The following CA10 variants were observed in gnomAD, a reference collection of about 807,000 sequenced individuals.
CA10 encodes the protein carbonic anhydrase-related protein 10.
A neutral mutation model predicts 44.2 loss-of-function variants in CA10; 14 were observed. The observed-to-expected ratio is 0.32, with a 90% CI of 0.21 to 0.50. The LOEUF is 0.50. Among genes scored for constraint, CA10 ranks in the 20% least tolerant of loss-of-function variants. CA10 has a pLI of 0.99. For missense variants in CA10, 350 were observed against 409.7 expected, an observed-to-expected ratio of 0.85 and a Z score of 1.26; for synonymous variants, 159 against 141.6, an observed-to-expected ratio of 1.12 and a Z score of -0.87.
chr17:52,113,209 T>C (rs138631094), intron 1 of CA10, among the ~76,000 whole-genome samples: 404 of 152,314 alleles, frequency 2.7e-3, no homozygotes, highest in Non-Finnish European at 3.9e-3. Flanking sequence ...ATGCTCAAGA[T>C]GAACAGAGGG....
intron 8 of CA10, among the ~76,000 whole-genome samples, chr17:51,632,268 C>T (rs1274345368): frequency 6.6e-6 from 1 of 152,172 alleles, no homozygotes; most frequent in East Asian, 1.9e-4. Flanking sequence ...TTATCTGTCA[C>T]CCATCACCCA....
At chr17:52,014,167 T>G (rs923888564) in intron 2 of CA10, among the ~76,000 whole-genome samples, 9 of 151,968 alleles carry the variant, frequency 5.9e-5, no homozygotes, top group African/African-American at 2.2e-4. Context: ...TATGAATTTA[T>G]GAATGAAAAA....
chr17:52,130,247 G>T (rs1348162264), intron 1 of CA10, among the ~76,000 whole-genome samples: 1 of 152,102 alleles, frequency 6.6e-6, no homozygotes, highest in African/African-American at 2.4e-5. Flanking sequence ...AAGTATGGTG[G>T]TTCCTCAAAA....
intron 3 of CA10, among the ~76,000 whole-genome samples, chr17:51,831,667 A>ACAGCAGCAGCAGCAGCAGCAGC (rs1413563405): frequency 2.6e-4 from 33 of 127,492 alleles, no homozygotes; most frequent in Non-Finnish European, 4.4e-4. Context: ...AGAAAAGAAA[A>ACAGCAGCAGCAGCAGCAGCAGC]AGCAGCAGCA....
At chr17:52,046,317 A>G (rs1397734102) in intron 2 of CA10, among the ~76,000 whole-genome samples, 1 of 151,412 alleles carries the variant, frequency 6.6e-6, no homozygotes. Flanking sequence ...GTAAAAAAAA[A>G]AAGAATTTAA....
intron 4 of CA10, among the ~76,000 whole-genome samples, chr17:51,689,495 T>C (rs1226507963): frequency 6.6e-6 from 1 of 152,214 alleles, no homozygotes; most frequent in Non-Finnish European, 1.5e-5. Context: ...AGAAAGTGAA[T>C]GATCCGTGTG....
At chr17:51,951,771 C>A (rs775799931) in intron 2 of CA10, among the ~76,000 whole-genome samples, 1 of 152,148 alleles carries the variant, frequency 6.6e-6, no homozygotes, top group African/African-American at 2.4e-5. Context: ...TGCTACCATA[C>A]TGAACAAAAT....
chr17:52,022,729 C>A (rs919590811), intron 2 of CA10, among the ~76,000 whole-genome samples: 1 of 152,006 alleles, frequency 6.6e-6, no homozygotes, highest in African/African-American at 2.4e-5. Context: ...CATTTAAAGG[C>A]TCCTAAAACT....
Position 51,754,368 on chromosome 17 carries a change from G to A in CA10, c.280-6550C>T, listed in dbSNP as rs187828206. 1.1e-3 allele frequency among the ~76,000 whole-genome samples: 131 copies of A among 121,596 alleles called. 1 individual carries two copies. The highest frequency in any genetic ancestry group is 1.9e-3 in the East Asian group (8 of 4,158). The allele number at this position is 121,596 out of a possible 152,430, so 79.8% of individuals were successfully genotyped here. ...GGTAAAATAAAGAGACAACACATGC[G>A]CACACACACATACATACTACTGTGT... is the stretch of plus-strand genomic sequence containing the variant. On this transcript the variant is annotated intron_variant, in intron 3 of 8. Coordinates refer to ENST00000451037, the MANE Select transcript of CA10 (RefSeq NM_020178.5).
At chr17:51,837,169 T>C (rs1908517150) in intron 3 of CA10, among the ~76,000 whole-genome samples, 1 of 152,108 alleles carries the variant, frequency 6.6e-6, no homozygotes, top group African/African-American at 2.4e-5. Flanking sequence ...GTTAGTGCTA[T>C]GTAAGCTCCA....
intron 2 of CA10, among the ~76,000 whole-genome samples, chr17:51,940,893 G>A (rs1054413270): frequency 2.0e-5 from 3 of 151,984 alleles, no homozygotes; most frequent in African/African-American, 7.2e-5. Context: ...GAATATCTTT[G>A]TCCACCAAAG....
chr17:51,949,620 T>C (rs1983409212), intron 2 of CA10, among the ~76,000 whole-genome samples: 1 of 152,294 alleles, frequency 6.6e-6, no homozygotes, highest in East Asian at 1.9e-4. Flanking sequence ...AGAATGTTCA[T>C]TTAGCGTGTA....
rs1226736618 is a variant in CA10, at chr17:51,717,676, T to TAC, written c.465+29956_465+29957insGT. Among the ~76,000 whole-genome samples, 35 of 89,486 alleles carry TAC rather than the reference T, an allele frequency of 3.9e-4. 11 individuals are homozygous for TAC. The highest frequency in any genetic ancestry group is 6.7e-4 in the Non-Finnish European group (32 of 47,692). 58.7% of individuals were successfully genotyped at this position (89,486 alleles called of 152,430 possible). A position where few individuals can be genotyped will look rare whatever the true frequency, so the allele number is the denominator to read the frequency against. On this transcript the variant is annotated intron_variant, in intron 4 of 8. Coordinates refer to ENST00000451037, the MANE Select transcript of CA10 (RefSeq NM_020178.5). ...ATATACGTATATATACATGTATATA[T>TAC]GTATATATGTATACATATATGCATG... is the stretch of plus-strand genomic sequence containing the variant.
At chr17:51,924,950 C>A (rs1982366299) in intron 3 of CA10, among the ~76,000 whole-genome samples, 1 of 152,108 alleles carries the variant, frequency 6.6e-6, no homozygotes, top group South Asian at 2.1e-4. Flanking sequence ...AAATTTCAAA[C>A]AAAAAACCTG....
chr17:51,984,756 C>A (rs1393408486), intron 2 of CA10, among the ~76,000 whole-genome samples: 1 of 151,752 alleles, frequency 6.6e-6, no homozygotes, highest in Non-Finnish European at 1.5e-5. Flanking sequence ...AACTAGAAAA[C>A]CTAGATGAGA....
At chr17:51,794,382 A>G (rs1906631864) in intron 3 of CA10, among the ~76,000 whole-genome samples, 1 of 152,322 alleles carries the variant, frequency 6.6e-6, no homozygotes, top group African/African-American at 2.4e-5. Flanking sequence ...GTTGAAGGTC[A>G]TATAGCTAAT....
chr17:51,934,705 T>C (rs2078401184), intron 2 of CA10, among the ~76,000 whole-genome samples: 1 of 152,056 alleles, frequency 6.6e-6, no homozygotes, highest in African/African-American at 2.4e-5. Flanking sequence ...ATGGGGATGA[T>C]TGCACACAAA....
intron 2 of CA10, among the ~76,000 whole-genome samples, chr17:51,974,539 A>G (rs1443584058): frequency 5.9e-5 from 9 of 152,062 alleles, no homozygotes; most frequent in Non-Finnish European, 2.9e-5. Flanking sequence ...GAAAGAAAAG[A>G]GCTTCAATGA....
chr17:52,154,740 T>G (rs1233696262), intron 1 of CA10, among the ~76,000 whole-genome samples: 1 of 152,222 alleles, frequency 6.6e-6, no homozygotes, highest in Admixed American at 6.5e-5. Context: ...AGCCTAGCTA[T>G]GTTGCATTAA....
Sources: allele counts gnomAD v4.1 joint callset (sites outside exome capture counted in the v4.1 genomes callset), GRCh38; gene constraint gnomAD v4.1.1; transcripts MANE v1.5; gene names NCBI Gene and HGNC (gene_info 2026-07-23, HGNC 2026-07-21).